The following ADGRV1 variants were observed in gnomAD, a reference collection of about 807,000 sequenced individuals.
ADGRV1 encodes the protein G-protein coupled receptor 98.
Under a neutral mutation model 596.2 loss-of-function variants are expected in ADGRV1, and 359 were observed. The ratio of observed to expected loss-of-function variants is 0.60; its 90% CI spans 0.55 to 0.66. The LOEUF is 0.66. ADGRV1 is among the 30% of genes least tolerant of loss of function. The pLI is 0.00. For synonymous variants in ADGRV1, 2,681 were observed against 2,679.2 expected (o/e 1.00, Z -0.02); for missense variants, 7,274 against 7,575.6 (o/e 0.96, Z 1.48).
intron 83 of ADGRV1, among the ~76,000 whole-genome samples, chr5:90,960,143 A>AAAAAC (rs1396860865): frequency 2.2e-5 from 3 of 139,246 alleles, no homozygotes; most frequent in East Asian, 2.7e-4. Context: ...ATCTCAAAAA[A>AAAAAC]AAAAAAAAAA....
chr5:90,598,067 G>A (rs7730198), intron 1 of ADGRV1, among the ~76,000 whole-genome samples: 8,817 of 152,138 alleles, frequency 0.058, 849 homozygotes, highest in African/African-American at 0.2. Context: ...CTATTCACGC[G>A]GTAGTGTGGA....
At chr5:91,108,661 C>A (rs1792103547) in intron 87 of ADGRV1, among the ~76,000 whole-genome samples, 1 of 152,126 alleles carries the variant, frequency 6.6e-6, no homozygotes, top group African/African-American at 2.4e-5. Flanking sequence ...ACGACGTGAT[C>A]ATAGCTCATT....
At chr5:91,105,240 G>T (rs986818667) in intron 87 of ADGRV1, among the ~76,000 whole-genome samples, 3 of 152,172 alleles carry the variant, frequency 2.0e-5, no homozygotes, top group African/African-American at 7.2e-5. Context: ...TTCATTGGTT[G>T]TTGGACACCT....
At chr5:90,605,794 A>G (rs1197192319) in intron 1 of ADGRV1, among the ~76,000 whole-genome samples, 1 of 152,272 alleles carries the variant, frequency 6.6e-6, no homozygotes, top group East Asian at 1.9e-4. Context: ...AAATTAATAA[A>G]GAAATGATAA....
chr5:90,750,679 A>G lies in ADGRV1; in HGVS notation c.11103A>G (p.Ile3701Met), dbSNP rs756181052. Reference sequence around the variant, plus strand: ...AAGCTGATGGAAGTATTAGTGATATATTTCCTACCTCAGGAGTGGTATGTA... The same window carrying G: ...AAGCTGATGGAAGTATTAGTGATATGTTTCCTACCTCAGGAGTGGTATGTA... Reference protein sequence around the residue: ...AWEADGSISDIFPTSGVILFT... With the variant: ...AWEADGSISDMFPTSGVILFT... The change falls in exon 53 of 90, where the codon ATA (isoleucine) becomes ATG (methionine). Residue 3701 changes from isoleucine (I) to methionine (M), a missense_variant. Transcript: ENST00000405460. 3.7e-6 allele frequency: 6 copies of G among 1,612,160 alleles called. No individual in the cohort carries two copies. In the African/African-American group the frequency reaches 8.0e-5, roughly 22 times the overall value.
chr5:90,853,477 T>G lies in ADGRV1; in HGVS notation c.17398T>G (p.Tyr5800Asp). ...STCKLVQFTE[Y>D]SSQQWFISGN... ...ATGTAAATTAGTCCAGTTTACAGAG[T>G]ATAGCAGCCAACAGTGGTTTATAAG... Residue 5800 changes from tyrosine to aspartate, a missense_variant, in exon 80 of 90, where the codon TAT becomes GAT. By Grantham distance (160) the Tyr-to-Asp change is radical. This residue lies in a region of ADGRV1 where 1,874 missense variants were observed against 1,970.2 expected (regional missense o/e 0.95). Coordinates refer to ENST00000405460, the MANE Select transcript of ADGRV1 (RefSeq NM_032119.4). 1 of 1,613,004 alleles carries G rather than the reference T, an allele frequency of 6.2e-7. No individual in the cohort carries two copies. The highest frequency in any genetic ancestry group is 8.5e-7 in the Non-Finnish European group (1 of 1,179,316).
chr5:90,869,107 GA>G (rs1293282661), intron 83 of ADGRV1, among the ~76,000 whole-genome samples: 5 of 151,946 alleles, frequency 3.3e-5, no homozygotes, highest in African/African-American at 1.2e-4. Flanking sequence ...TATATACAGA[GA>G]AAAAAATCTC....
intron 1 of ADGRV1, among the ~76,000 whole-genome samples, chr5:90,563,859 T>C (rs985907131): frequency 1.3e-5 from 2 of 152,236 alleles, no homozygotes; most frequent in African/African-American, 4.8e-5. Context: ...TTAGGTAGTA[T>C]TAATATACTT....
intron 79 of ADGRV1, 37 bp downstream of exon 79, chr5:90,848,858 G>A: frequency 6.9e-7 from 1 of 1,450,508 alleles, no homozygotes; most frequent in Non-Finnish European, 9.3e-7. Flanking sequence ...TACCTTTTAT[G>A]CATTTTTTTC....
At chr5:90,841,120 G>A in intron 78 of ADGRV1, 135 bp downstream of exon 78, 1 of 618,992 alleles carries the variant, frequency 1.6e-6, no homozygotes, top group East Asian at 2.9e-5. Flanking sequence ...CTGAACATAG[G>A]AATAGAATGC....
At chr5:91,158,368 A>C (rs905774279) in intron 89 of ADGRV1, among the ~76,000 whole-genome samples, 2 of 152,224 alleles carry the variant, frequency 1.3e-5, no homozygotes, top group African/African-American at 4.8e-5. Flanking sequence ...AGAAGATAAA[A>C]GCTTTTTCTG....
intron 85 of ADGRV1, among the ~76,000 whole-genome samples, chr5:91,012,294 C>T (rs1581785605): frequency 6.6e-6 from 1 of 151,962 alleles, no homozygotes; most frequent in Non-Finnish European, 1.5e-5. Flanking sequence ...GGTTGGAATA[C>T]TTGTTATTAT....
chr5:91,111,694 A>G (rs1792382384), intron 87 of ADGRV1, among the ~76,000 whole-genome samples: 1 of 152,362 alleles, frequency 6.6e-6, no homozygotes, highest in Non-Finnish European at 1.5e-5. Flanking sequence ...AGACTAGCAC[A>G]TGAACTATTC....
chr5:91,051,683 A>C (rs1410200582), intron 85 of ADGRV1, among the ~76,000 whole-genome samples: 1 of 151,878 alleles, frequency 6.6e-6, no homozygotes, highest in Non-Finnish European at 1.5e-5. Context: ...AGTAGCTGGA[A>C]CCACAGGTGC....
At position 90,759,431 on chromosome 5, in the gene ADGRV1, C is replaced by T. The variant is rs750373155; in HGVS notation, c.11963C>T (p.Thr3988Ile). The change falls in exon 58 of 90, where the codon ACC becomes ATC. Residue 3988 changes from threonine to isoleucine, a missense_variant. Transcript: ENST00000405460. ...TAGGTTACTGCAATGATAGAAATCA[C>T]CATAATTGATGATGCTGAATTTGAA... is the stretch of plus-strand genomic sequence containing the variant. ...DKQVTAMIEI[T>I]IIDDAEFELT... 1.3e-6 allele frequency: 2 copies of T among 1,567,012 alleles called. No homozygotes were observed. Among genetic ancestry groups the T allele is most frequent in the African/African-American group, 1.3e-5 (1 of 74,130 alleles).
intron 43 of ADGRV1, 112 bp from the exon 44 acceptor site, chr5:90,719,936 A>G (rs920758880): frequency 2.5e-6 from 2 of 786,492 alleles, no homozygotes; most frequent in Non-Finnish European, 4.3e-6. Flanking sequence ...AAGTGAGATG[A>G]TATTTTTCAA....
chr5:91,035,157 C>T (rs912421616), intron 85 of ADGRV1, among the ~76,000 whole-genome samples: 1 of 152,152 alleles, frequency 6.6e-6, no homozygotes, highest in Non-Finnish European at 1.5e-5. Context: ...TTCCACCATC[C>T]AGCCTGCCAC....
intron 87 of ADGRV1, among the ~76,000 whole-genome samples, chr5:91,106,137 G>T (rs553429750): frequency 1.2e-4 from 18 of 152,030 alleles, no homozygotes; most frequent in Admixed American, 1.0e-3. Flanking sequence ...GTTGGTTTTT[G>T]TATAGGGTGA....
At chr5:90,940,203 C>T (rs1258405092) in intron 83 of ADGRV1, among the ~76,000 whole-genome samples, 3 of 152,184 alleles carry the variant, frequency 2.0e-5, no homozygotes, top group African/African-American at 2.4e-5. Flanking sequence ...CTTTTGAGGA[C>T]TTGGATATAA....
Sources: gnomAD v4.1 joint callset for allele counts (sites outside exome capture counted in the v4.1 genomes callset) on GRCh38, gnomAD v4.1.1 for gene constraint, gnomAD v4.1.1 regional missense constraint, MANE v1.5 for transcripts, NCBI Gene and HGNC (gene_info 2026-07-23, HGNC 2026-07-21) for gene names.